ABCC4: variants seen among roughly 807,000 people sequenced by gnomAD.
The protein encoded by ABCC4 is ATP-binding cassette sub-family C member 4.
In ABCC4, 102 loss-of-function variants were observed where a neutral mutation model predicts 168.5. The ratio of observed to expected loss-of-function variants is 0.61; its 90% CI spans 0.52 to 0.71. The LOEUF is 0.71. Among genes scored for constraint, ABCC4 ranks in the 30% least tolerant of loss-of-function variants. The pLI, the probability that ABCC4 is intolerant of heterozygous loss-of-function variation, is 0.00. For synonymous variants in ABCC4, 617 were observed against 590.7 expected (o/e 1.04, Z -0.65); for missense variants, 1,402 against 1,605.8 (o/e 0.87, Z 2.17).
chr13:95,128,125 C>T (rs2035846751), intron 19 of ABCC4, among the ~76,000 whole-genome samples: 1 of 152,192 alleles, frequency 6.6e-6, no homozygotes, highest in African/African-American at 2.4e-5. Flanking sequence ...TCTCCAGCCC[C>T]ATGCCTGTTC....
chr13:95,126,948 T>G (rs2139441070), intron 19 of ABCC4, among the ~76,000 whole-genome samples: 1 of 151,186 alleles, frequency 6.6e-6, no homozygotes, highest in Admixed American at 6.6e-5. Context: ...AATTTCTTCT[T>G]TAAAAATTCA....
chr13:95,276,319 G>A (rs902633596), intron 1 of ABCC4, among the ~76,000 whole-genome samples: 1 of 150,856 alleles, frequency 6.6e-6, no homozygotes, highest in African/African-American at 2.4e-5. Flanking sequence ...AGAGGCTGAA[G>A]TGGGAGGATC....
At chr13:95,173,557 C>T (rs1426449993) in intron 13 of ABCC4, among the ~76,000 whole-genome samples, 1 of 152,236 alleles carries the variant, frequency 6.6e-6, no homozygotes, top group Non-Finnish European at 1.5e-5. Flanking sequence ...TCCTTCCAGG[C>T]ACCCCAAAGA....
rs142441534 is a variant in ABCC4, at chr13:95,099,064, A to C, written c.2536-15774T>G. Among the ~76,000 whole-genome samples, 1,458 of 152,326 alleles carry C rather than the reference A, an allele frequency of 9.6e-3. 22 individuals carry two copies. Among genetic ancestry groups the C allele is most frequent in the African/African-American group, 0.032 (1,342 of 41,582 alleles). ...GAATGAAAACATATGTAGTGTACCC[A>C]TAAACACTTCTATAAGAACATTCAT... On this transcript the variant is annotated intron_variant, in intron 20 of 30. Transcript: ENST00000645237.
At chr13:95,269,695 G>C (rs2040792808) in intron 1 of ABCC4, among the ~76,000 whole-genome samples, 1 of 151,956 alleles carries the variant, frequency 6.6e-6, no homozygotes, top group African/African-American at 2.4e-5. Flanking sequence ...ATAACATAAA[G>C]GTTAAAAAAT....
chr13:95,176,209 C>A (rs1268662994), intron 13 of ABCC4, among the ~76,000 whole-genome samples: 1 of 74,794 alleles, frequency 1.3e-5, no homozygotes, highest in Non-Finnish European at 2.6e-5. Context: ...CTCAGCACTC[C>A]AGGAAGCCGA....
intron 1 of ABCC4, among the ~76,000 whole-genome samples, chr13:95,270,967 C>T (rs1378988644): frequency 1.3e-5 from 2 of 152,108 alleles, no homozygotes; most frequent in African/African-American, 4.8e-5. Context: ...TGGTGGCAGC[C>T]GCCTGTAGTC....
chr13:95,088,418 C>G (rs1371589110), intron 20 of ABCC4, among the ~76,000 whole-genome samples: 1 of 152,158 alleles, frequency 6.6e-6, no homozygotes, highest in African/African-American at 2.4e-5. Flanking sequence ...GACCTAAAGG[C>G]TACAATACTA....
chr13:95,296,774 T>C (rs532024624), intron 1 of ABCC4, among the ~76,000 whole-genome samples: 3 of 152,286 alleles, frequency 2.0e-5, no homozygotes, highest in South Asian at 4.1e-4. Context: ...TAGGAGAGTC[T>C]CAGGGATTGA....
intron 14 of ABCC4, 121 bp downstream of exon 14, chr13:95,170,411 T>G: frequency 1.7e-6 from 1 of 584,832 alleles, no homozygotes; most frequent in Non-Finnish European, 2.9e-6. Flanking sequence ...GTCTTTTGAG[T>G]TAATACTTAA....
At chr13:95,250,038 G>A (rs905228147) in intron 1 of ABCC4, among the ~76,000 whole-genome samples, 2 of 152,174 alleles carry the variant, frequency 1.3e-5, no homozygotes, top group African/African-American at 4.8e-5. Context: ...TCAAAAAGCT[G>A]GGCTGAAAAG....
intron 26 of ABCC4, among the ~76,000 whole-genome samples, chr13:95,061,599 TGTG>T: frequency 4.8e-5 from 1 of 20,718 alleles, no homozygotes; most frequent in African/African-American, 1.7e-4. Context: ...TGTGTTTGTG[TGTG>T]TGTGTGTGTG....
chr13:95,113,369 T>C (rs1336324195), intron 20 of ABCC4, among the ~76,000 whole-genome samples: 2 of 152,166 alleles, frequency 1.3e-5, no homozygotes, highest in Non-Finnish European at 2.9e-5. Flanking sequence ...TTCCAGAAGA[T>C]TGCTGTTATA....
chr13:95,073,278 C>T lies in ABCC4; in HGVS notation c.2944G>A (p.Ala982Thr). Residue 982 changes from alanine to threonine, a missense_variant, in exon 24 of 31, where the codon GCA becomes ACA. Coordinates refer to ENST00000645237, the MANE Select transcript of ABCC4 (RefSeq NM_005845.5). The part of the protein sequence containing the change: ...KTLDAGQVGL[A>T]LSYALTLMGM... ...ATGAGCGTGAGGGCATAGGACAGTG[C>T]CAAACCAACCTGCCCGGCATCCAGA... 6.2e-7 allele frequency: 1 copy of T among 1,613,448 alleles called. No individual in the cohort carries two copies. The highest frequency in any genetic ancestry group is 8.5e-7 in the Non-Finnish European group (1 of 1,179,664).
intron 1 of ABCC4, among the ~76,000 whole-genome samples, chr13:95,248,772 G>A (rs1246504062): frequency 2.0e-5 from 3 of 152,094 alleles, no homozygotes; most frequent in Non-Finnish European, 4.4e-5. Flanking sequence ...AAAAAGGCTG[G>A]GCAGTGGCTC....
At chr13:95,079,543 C>G (rs1156359979) in intron 21 of ABCC4, among the ~76,000 whole-genome samples, 2 of 152,116 alleles carry the variant, frequency 1.3e-5, no homozygotes, top group Admixed American at 1.3e-4. Flanking sequence ...GCATTAAGAA[C>G]ACTGCCCAAA....
intron 25 of ABCC4, among the ~76,000 whole-genome samples, chr13:95,068,697 TG>T (rs2033629726): frequency 1.3e-5 from 2 of 152,124 alleles, no homozygotes; most frequent in Non-Finnish European, 2.9e-5. Flanking sequence ...GGTAATCCTA[TG>T]ATTTGGGGGG....
Position 95,253,120 on chromosome 13 carries a change from C to T in ABCC4, c.75-5367G>A, listed in dbSNP as rs2040307773. 1.3e-5 allele frequency among the ~76,000 whole-genome samples: 2 copies of T among 152,114 alleles called. 1 individual carries two copies. The highest frequency in any genetic ancestry group is 4.1e-4 in the South Asian group (2 of 4,822). On this transcript the variant is annotated intron_variant, in intron 1 of 30. Coordinates refer to ENST00000645237, the MANE Select transcript of ABCC4 (RefSeq NM_005845.5). Reference sequence around the variant, plus strand: ...AACACCTGAGAATGCCTCTCCCCTCCCCACGCCTCCACGATAGAAAGGTTA... The same window carrying T: ...AACACCTGAGAATGCCTCTCCCCTCTCCACGCCTCCACGATAGAAAGGTTA...
intron 11 of ABCC4, among the ~76,000 whole-genome samples, chr13:95,185,622 C>A (rs2038033078): frequency 6.6e-6 from 1 of 152,226 alleles, no homozygotes; most frequent in Admixed American, 6.5e-5. Flanking sequence ...AGTAGGATGT[C>A]CAGGCCACAC....
Sources: gnomAD v4.1 joint callset for allele counts (sites outside exome capture counted in the v4.1 genomes callset) on GRCh38, gnomAD v4.1.1 for gene constraint, MANE v1.5 for transcripts, NCBI Gene and HGNC (gene_info 2026-07-23, HGNC 2026-07-21) for gene names.